Variants in PDE4D observed in about 807,000 individuals in gnomAD.
The protein encoded by PDE4D is phosphodiesterase 4D, also known as 3',5'-cyclic-AMP phosphodiesterase 4D.
In PDE4D, 24 loss-of-function variants were observed where a neutral mutation model predicts 87.4. The ratio of observed to expected loss-of-function variants is 0.27; its 90% CI spans 0.20 to 0.39. The LOEUF is 0.39. Among genes scored for constraint, PDE4D ranks in the 10% least tolerant of loss-of-function variants. The probability of loss-of-function intolerance (pLI) is 1.00; values close to 1 mark genes in which losing one functional copy is unlikely to be tolerated. For synonymous variants in PDE4D, 384 were observed against 383.2 expected, an observed-to-expected ratio of 1.00 and a Z score of -0.02; for missense variants, 714 against 1,041.0, an observed-to-expected ratio of 0.69 and a Z score of 4.32.
intron 1 of PDE4D, among the ~76,000 whole-genome samples, chr5:60,432,092 A>AGGG (rs764374333): frequency 7.0e-6 from 1 of 143,168 alleles, no homozygotes; most frequent in African/African-American, 2.8e-5. Flanking sequence ...CCGTGGGGAG[A>AGGG]AGGAGAGGGA....
intron 1 of PDE4D, among the ~76,000 whole-genome samples, chr5:59,663,834 C>A (rs1166357530): frequency 6.6e-6 from 1 of 152,110 alleles, no homozygotes; most frequent in Non-Finnish European, 1.5e-5. Flanking sequence ...CCATATAAAG[C>A]CTGATGGGCC....
chr5:59,627,169 A>C (rs892754601), intron 1 of PDE4D, among the ~76,000 whole-genome samples: 2 of 152,186 alleles, frequency 1.3e-5, no homozygotes, highest in Non-Finnish European at 2.9e-5. Context: ...TTCTTCAGGT[A>C]ATTGTGACTT....
At chr5:60,368,084 C>A (rs1357802992) in intron 1 of PDE4D, among the ~76,000 whole-genome samples, 3 of 151,964 alleles carry the variant, frequency 2.0e-5, no homozygotes, top group Admixed American at 1.3e-4. Flanking sequence ...CTGGTTTTGT[C>A]CAAGCTGCAA....
In PDE4D at chr5:59,082,521, T is replaced by C. The variant is rs34249117; in HGVS notation, c.809-43550A>G. 1.0e-3 allele frequency among the ~76,000 whole-genome samples: 157 copies of C among 152,216 alleles called. 1 individual carries two copies. In the East Asian group the frequency reaches 0.025, roughly 25 times the overall value. ...AAGGTCAAACATTATAAAGCATGTATCCACAACAGGTTTTTTTCTATATAC... is the reference window on the plus strand; with the variant it reads ...AAGGTCAAACATTATAAAGCATGTACCCACAACAGGTTTTTTTCTATATAC... On this transcript the variant is annotated intron_variant, in intron 5 of 14. Coordinates refer to ENST00000340635, the MANE Select transcript of PDE4D (RefSeq NM_001104631.2).
chr5:59,450,016 C>A (rs1003781162), intron 1 of PDE4D, among the ~76,000 whole-genome samples: 1 of 152,140 alleles, frequency 6.6e-6, no homozygotes, highest in African/African-American at 2.4e-5. Context: ...TATGTGTTTG[C>A]CATTTAGCAG....
chr5:59,041,568 C>T lies in PDE4D; in HGVS notation c.809-2597G>A, dbSNP rs140798856. Reference sequence around the variant, plus strand: ...TAGCCTATCCAGTGGATTAAAGATGCATAACCATTGTGTCTGGGATTTGTT... The same window carrying T: ...TAGCCTATCCAGTGGATTAAAGATGTATAACCATTGTGTCTGGGATTTGTT... On this transcript the variant is annotated intron_variant, in intron 5 of 14. Coordinates refer to ENST00000340635, the MANE Select transcript of PDE4D (RefSeq NM_001104631.2). 5.9e-5 allele frequency among the ~76,000 whole-genome samples: 9 copies of T among 152,294 alleles called. No individual in the cohort carries two copies. In the East Asian group the frequency reaches 1.7e-3, roughly 29 times the overall value.
intron 1 of PDE4D, among the ~76,000 whole-genome samples, chr5:59,339,444 T>C (rs1778316852): frequency 6.6e-6 from 1 of 152,214 alleles, no homozygotes; most frequent in South Asian, 2.1e-4. Flanking sequence ...TAGATGCATG[T>C]GCAGGGGAGG....
In PDE4D at chr5:59,430,334, C is replaced by T. The variant is rs184292597; in HGVS notation, c.456-214366G>A. ...TTAATATCAATTGGCATGTTGATCG[C>T]GTATGGTGATCCATGAACATAAGCG... On this transcript the variant is annotated intron_variant, in intron 1 of 14. Coordinates refer to ENST00000340635, the MANE Select transcript of PDE4D (RefSeq NM_001104631.2). The T allele has an allele frequency of 1.2e-4, 145 of 1,231,304 alleles. No individual in the cohort carries two copies. Among genetic ancestry groups the T allele is most frequent in the African/African-American group, 1.1e-3 (68 of 64,496 alleles). The allele number at this position is 1,231,304 out of a possible 1,614,324, so 76.3% of individuals were successfully genotyped here.
chr5:59,592,744 T>C (rs931794170), intron 1 of PDE4D, among the ~76,000 whole-genome samples: 1 of 152,086 alleles, frequency 6.6e-6, no homozygotes, highest in African/African-American at 2.4e-5. Context: ...AGGCACTTAA[T>C]ATTTATACTT....
At chr5:59,515,567 A>G (rs951599699) in intron 1 of PDE4D, among the ~76,000 whole-genome samples, 4 of 152,246 alleles carry the variant, frequency 2.6e-5, no homozygotes, top group Admixed American at 6.5e-5. Flanking sequence ...CAGAAGAAAC[A>G]TCATTAAAAG....
chr5:59,395,140 G>A (rs112830412), intron 1 of PDE4D, among the ~76,000 whole-genome samples: 62,962 of 150,268 alleles, frequency 0.42, 13,560 homozygotes, highest in East Asian at 0.48. Flanking sequence ...GCAAGGCAGC[G>A]GCGAGGCTGG....
intron 1 of PDE4D, among the ~76,000 whole-genome samples, chr5:59,406,681 C>T (rs560540833): frequency 9.1e-4 from 139 of 152,234 alleles, no homozygotes; most frequent in Non-Finnish European, 1.5e-3. Context: ...AGCCATTGTG[C>T]CCAGCAACAT....
intron 1 of PDE4D, among the ~76,000 whole-genome samples, chr5:60,333,898 G>A (rs566413875): frequency 1.1e-4 from 16 of 151,518 alleles, no homozygotes; most frequent in Non-Finnish European, 2.4e-4. Flanking sequence ...GAAAAAATAC[G>A]GAAATACACA....
intron 1 of PDE4D, among the ~76,000 whole-genome samples, chr5:59,430,959 G>T (rs1442592126): frequency 6.6e-6 from 1 of 152,052 alleles, no homozygotes; most frequent in African/African-American, 2.4e-5. Context: ...AATGTTATGG[G>T]CGGTTTTCCA....
At chr5:59,466,978 G>C (rs1373937735) in intron 1 of PDE4D, among the ~76,000 whole-genome samples, 3 of 152,184 alleles carry the variant, frequency 2.0e-5, no homozygotes, top group Non-Finnish European at 4.4e-5. Flanking sequence ...TTTAAAGGAG[G>C]TGATTAAGTT....
rs577228774 is a variant in PDE4D, at chr5:59,477,712, G to T, written c.456-261744C>A. ...TCCCATTACTGGGTATATGCCCAAAGAATACAAATCATTCCACCAAAAAGA... is the reference window on the plus strand; with the variant it reads ...TCCCATTACTGGGTATATGCCCAAATAATACAAATCATTCCACCAAAAAGA... On this transcript the variant is annotated intron_variant, in intron 1 of 14. Coordinates refer to ENST00000340635, the MANE Select transcript of PDE4D (RefSeq NM_001104631.2). 1.0e-3 allele frequency among the ~76,000 whole-genome samples: 154 copies of T among 152,104 alleles called. 2 individuals are homozygous for T. The highest frequency in any genetic ancestry group is 3.5e-3 in the African/African-American group (147 of 41,522).
intron 2 of PDE4D, among the ~76,000 whole-genome samples, chr5:60,046,982 G>C (rs1165165934): frequency 2.6e-5 from 4 of 152,164 alleles, no homozygotes; most frequent in African/African-American, 4.8e-5. Flanking sequence ...ATTCGGCTGT[G>C]AATCCATCTG....
rs1309892173 is a variant in PDE4D, at chr5:59,132,344, T to A, written c.808+48251A>T. ...CTCTTGTCGCTAGTGGGTGGGAGAC[T>A]GAACACAAGCCACATCCTTTATTTA... On this transcript the variant is annotated intron_variant, in intron 5 of 14. Transcript: ENST00000340635. Among the ~76,000 whole-genome samples the A allele has an allele frequency of 5.9e-5, 9 of 152,276 alleles. No homozygotes were observed. The Middle Eastern group carries it at 0.017, about 290-fold the overall frequency.
chr5:59,613,804 A>G (rs1192926768), intron 1 of PDE4D, among the ~76,000 whole-genome samples: 1 of 152,212 alleles, frequency 6.6e-6, no homozygotes, highest in Admixed American at 6.5e-5. Flanking sequence ...CCAATTTATA[A>G]GAGAGAAACA....
Sources: allele counts gnomAD v4.1 joint callset (sites outside exome capture counted in the v4.1 genomes callset), GRCh38; gene constraint gnomAD v4.1.1; transcripts MANE v1.5; gene names NCBI Gene and HGNC (gene_info 2026-07-23, HGNC 2026-07-21).